Variants in E2F3 observed in about 807,000 individuals in gnomAD.
E2F3 encodes the protein E2F transcription factor 3.
E2F3 carries 11 observed loss-of-function variants against 44.4 expected under a neutral mutation model. The ratio of observed to expected loss-of-function variants is 0.25; its 90% CI spans 0.16 to 0.41. The LOEUF is 0.41. Among genes scored for constraint, E2F3 ranks in the 10% least tolerant of loss-of-function variants. The pLI is 1.00. For missense variants in E2F3, 487 were observed against 583.6 expected (o/e 0.83, Z 1.70); for synonymous variants, 249 against 253.0 (o/e 0.98, Z 0.15).
intron 1 of E2F3, among the ~76,000 whole-genome samples, chr6:20,477,929 C>T (rs187198451): frequency 8.0e-4 from 121 of 152,144 alleles, no homozygotes; most frequent in Middle Eastern, 3.4e-3. Context: ...CAGTGGCTCA[C>T]GGCTGTAATC....
chr6:20,423,760 C>T (rs1426825972), intron 1 of E2F3, among the ~76,000 whole-genome samples: 2 of 150,876 alleles, frequency 1.3e-5, no homozygotes, highest in Admixed American at 6.6e-5. Flanking sequence ...TGAGCCACCA[C>T]ACCCGGCCAT....
intron 1 of E2F3, among the ~76,000 whole-genome samples, chr6:20,446,560 A>T (rs973795386): frequency 6.6e-6 from 1 of 152,088 alleles, no homozygotes; most frequent in South Asian, 2.1e-4. Context: ...AATTCATCCC[A>T]TGTTATTTAT....
intron 1 of E2F3, among the ~76,000 whole-genome samples, chr6:20,435,974 CTT>C (rs68162662): frequency 5.0e-4 from 70 of 140,542 alleles, no homozygotes; most frequent in African/African-American, 1.9e-3. Context: ...AAGAATTGTC[CTT>C]TTTTTTTTTT....
chr6:20,425,027 G>A (rs150983749), intron 1 of E2F3, among the ~76,000 whole-genome samples: 28 of 152,282 alleles, frequency 1.8e-4, no homozygotes, highest in Non-Finnish European at 3.8e-4. Flanking sequence ...CCTGCAGGGC[G>A]GTCAGTGGCT....
chr6:20,462,853 C>T (rs902581170), intron 1 of E2F3, among the ~76,000 whole-genome samples: 8 of 113,574 alleles, frequency 7.0e-5, no homozygotes, highest in African/African-American at 2.6e-4. Context: ...CTCTTTCTCT[C>T]TCTCTCTTTT....
chr6:20,402,253 C>A lies in E2F3; in HGVS notation c.21C>A (p.Pro7=). 6.3e-7 allele frequency: 1 copy of A among 1,597,938 alleles called. No homozygotes were observed. The highest frequency in any genetic ancestry group is 8.5e-7 in the Non-Finnish European group (1 of 1,175,992). Residue 7 remains proline, a synonymous_variant, in exon 1 of 7, where the codon CCC becomes CCA. Transcript: ENST00000346618. The surrounding 1 kb of genome is among the most constrained non-coding windows in gnomAD (Gnocchi z 5.6). ...GAGAGATGAGAAAGGGAATCCAGCCCGCTCTGGAGCAGTACCTGGTGACCG... is the reference window on the plus strand; with the variant it reads ...GAGAGATGAGAAAGGGAATCCAGCCAGCTCTGGAGCAGTACCTGGTGACCG... The part of the protein sequence containing the change: MRKGIQ[P]ALEQYLVTAG...
chr6:20,431,164 C>T (rs1309818016), intron 1 of E2F3, among the ~76,000 whole-genome samples: 3 of 152,322 alleles, frequency 2.0e-5, no homozygotes, highest in Non-Finnish European at 1.5e-5. Context: ...CAACACTTCT[C>T]GTCATCAGCT....
At chr6:20,478,773 C>A (rs1272409731) in intron 1 of E2F3, among the ~76,000 whole-genome samples, 1 of 151,864 alleles carries the variant, frequency 6.6e-6, no homozygotes, top group African/African-American at 2.4e-5. Context: ...TCGCGCCACT[C>A]CACTCCAGCC....
Position 20,423,691 on chromosome 6 carries a change from G to A in E2F3, c.393+21066G>A, listed in dbSNP as rs138296402. The stretch of plus-strand genomic sequence containing the variant: ...TTGCCATGTTGGCCAGGCTGGTCTC[G>A]AACTCCTCACGTCGTGATCTGCCTG... On this transcript the variant is annotated intron_variant, in intron 1 of 6. Coordinates refer to ENST00000346618, the MANE Select transcript of E2F3 (RefSeq NM_001949.5). Among the ~76,000 whole-genome samples the A allele has an allele frequency of 5.8e-3, 878 of 152,060 alleles. 11 individuals carry two copies. Among genetic ancestry groups the A allele is most frequent in the African/African-American group, 0.02 (819 of 41,460 alleles).
intron 1 of E2F3, among the ~76,000 whole-genome samples, chr6:20,414,766 G>T (rs149633978): frequency 6.6e-6 from 1 of 152,096 alleles, no homozygotes; most frequent in Non-Finnish European, 1.5e-5. Context: ...CCCAATTCTG[G>T]GAATAGTCTC....
chr6:20,481,461 G>A (rs934718343), intron 3 of E2F3, 36 bp downstream of exon 3: 1 of 1,599,616 alleles, frequency 6.3e-7, no homozygotes, highest in Non-Finnish European at 8.6e-7. Context: ...CGGCTCTGAG[G>A]GGGTCGTTTC....
At chr6:20,486,568 G>A (rs1581660568) in intron 4 of E2F3, 121 bp from the exon 5 acceptor site, 8 of 585,400 alleles carry the variant, frequency 1.4e-5, no homozygotes, top group East Asian at 6.3e-5. Flanking sequence ...CACCGCGCCC[G>A]GCCACATATG....
Position 20,419,888 on chromosome 6 carries a change from C to A in E2F3, c.393+17263C>A, listed in dbSNP as rs192304406. ...GCCAATTTTTATTTATTTATTGAGA[C>A]AGAGTCTCATTCTGTTGCCCAGGCT... On this transcript the variant is annotated intron_variant, in intron 1 of 6. Transcript: ENST00000346618. Among the ~76,000 whole-genome samples, 42 of 144,500 alleles carry A rather than the reference C, an allele frequency of 2.9e-4. 1 individual carries two copies. Among genetic ancestry groups the A allele is most frequent in the Admixed American group, 1.0e-3 (15 of 14,682 alleles). The allele number at this position is 144,500 out of a possible 152,430, so 94.8% of individuals were successfully genotyped here.
At chr6:20,478,691 C>T (rs1384544607) in intron 1 of E2F3, among the ~76,000 whole-genome samples, 1 of 152,102 alleles carries the variant, frequency 6.6e-6, no homozygotes, top group African/African-American at 2.4e-5. Flanking sequence ...CACCTGCAGT[C>T]CCAGCTACTT....
intron 1 of E2F3, among the ~76,000 whole-genome samples, chr6:20,449,514 A>C (rs1370029045): frequency 6.6e-6 from 1 of 152,220 alleles, no homozygotes; most frequent in Non-Finnish European, 1.5e-5. Flanking sequence ...ATATCACTTC[A>C]TACATGTGCA....
At chr6:20,476,215 C>CA (rs1762039096) in intron 1 of E2F3, among the ~76,000 whole-genome samples, 2 of 152,022 alleles carry the variant, frequency 1.3e-5, no homozygotes, top group Admixed American at 1.3e-4. Flanking sequence ...ACTAAAACTA[C>CA]AAAAAATTAG....
intron 1 of E2F3, among the ~76,000 whole-genome samples, chr6:20,404,762 C>A (rs910781493): frequency 6.6e-6 from 1 of 152,288 alleles, no homozygotes; most frequent in Admixed American, 6.5e-5. Flanking sequence ...AGGGGGGAAA[C>A]GGAGCACAGT....
At chr6:20,417,581 A>G (rs1221520617) in intron 1 of E2F3, among the ~76,000 whole-genome samples, 4 of 147,212 alleles carry the variant, frequency 2.7e-5, no homozygotes, top group Non-Finnish European at 5.9e-5. Context: ...TTTCCTGATA[A>G]TGGATTTAAA....
At chr6:20,428,006 C>T (rs898307740) in intron 1 of E2F3, among the ~76,000 whole-genome samples, 4 of 152,118 alleles carry the variant, frequency 2.6e-5, no homozygotes, top group Non-Finnish European at 5.9e-5. Context: ...AGTGAACTGC[C>T]TTGAAGCTCT....
Sources: allele counts gnomAD v4.1 joint callset (sites outside exome capture counted in the v4.1 genomes callset), GRCh38; gene constraint gnomAD v4.1.1; non-coding constraint Gnocchi (gnomAD v3.1); transcripts MANE v1.5; gene names NCBI Gene and HGNC (gene_info 2026-07-23, HGNC 2026-07-21).